Variants in PSMD1 observed in about 807,000 individuals in gnomAD.
The protein encoded by PSMD1 is 26S proteasome non-ATPase regulatory subunit 1.
Under a neutral mutation model 119.0 loss-of-function variants are expected in PSMD1, and 18 were observed. The observed-to-expected ratio is 0.15, with a 90% CI of 0.10 to 0.22. PSMD1 has a LOEUF of 0.22. Ranked by LOEUF, PSMD1 falls within the 10% of genes least tolerant of loss-of-function variation. PSMD1 has a pLI of 1.00. For missense variants in PSMD1, 702 were observed against 1,158.5 expected (o/e 0.61, Z 5.72); for synonymous variants, 374 against 396.6 (o/e 0.94, Z 0.68).
chr2:231,151,119 G>T (rs1186591995), intron 18 of PSMD1, among the ~76,000 whole-genome samples: 1 of 152,156 alleles, frequency 6.6e-6, no homozygotes, highest in African/African-American at 2.4e-5. Context: ...TGAGATTGTT[G>T]TGATATAAAA....
chr2:231,100,555 A>C (rs1385696706), intron 16 of PSMD1, among the ~76,000 whole-genome samples: 1 of 152,184 alleles, frequency 6.6e-6, no homozygotes, highest in African/African-American at 2.4e-5. Flanking sequence ...TGGAGCAGGT[A>C]ATTGGAATGA....
intron 17 of PSMD1, among the ~76,000 whole-genome samples, chr2:231,140,995 C>G (rs941785153): frequency 1.3e-5 from 2 of 151,826 alleles, no homozygotes; most frequent in Non-Finnish European, 2.9e-5. Flanking sequence ...TTGGTGAAAC[C>G]CCTTCTCTAC....
In PSMD1 at chr2:231,153,192, C is replaced by T. The variant is rs181275270; in HGVS notation, c.2116-372C>T. ...GAAGGACCATGCTTTTTAGGAAACCCGCAAGGTTGGTGGTAAACAGAATAG... is the reference window on the plus strand; with the variant it reads ...GAAGGACCATGCTTTTTAGGAAACCTGCAAGGTTGGTGGTAAACAGAATAG... On this transcript the variant is annotated intron_variant, in intron 18 of 24. Coordinates refer to ENST00000308696, the MANE Select transcript of PSMD1 (RefSeq NM_002807.4). 4.0e-3 allele frequency among the ~76,000 whole-genome samples: 604 copies of T among 152,294 alleles called. 3 individuals carry two copies. The highest frequency in any genetic ancestry group is 6.4e-3 in the Non-Finnish European group (436 of 68,022).
chr2:231,128,059 C>A (rs762486848), intron 16 of PSMD1, among the ~76,000 whole-genome samples: 1 of 152,162 alleles, frequency 6.6e-6, no homozygotes, highest in Non-Finnish European at 1.5e-5. Flanking sequence ...GTCTAATATT[C>A]TTTATAGGTC....
intron 19 of PSMD1, among the ~76,000 whole-genome samples, chr2:231,157,246 C>G (rs1342036463): frequency 6.6e-6 from 1 of 151,608 alleles, no homozygotes; most frequent in Non-Finnish European, 1.5e-5. Context: ...TAGCCCTGCT[C>G]TGCAAGGAGC....
In PSMD1 at chr2:231,084,980, G is replaced by A. The variant is rs1426056543; in HGVS notation, c.1723-39G>A. The A allele has an allele frequency of 4.6e-6, 7 of 1,529,044 alleles. No homozygotes were observed. The Admixed American group carries it at 5.0e-5, about 11-fold the overall frequency. 94.7% of individuals were successfully genotyped at this position (1,529,044 alleles called of 1,614,324 possible). On this transcript the variant is annotated intron_variant, in intron 14 of 24. Coordinates refer to ENST00000308696, the MANE Select transcript of PSMD1 (RefSeq NM_002807.4). ...ATTAGACTGTAGAAGTTAACTGTTTGAAATAAGTTGATGATTAATGTTAAA... is the reference window on the plus strand; with the variant it reads ...ATTAGACTGTAGAAGTTAACTGTTTAAAATAAGTTGATGATTAATGTTAAA...
At chr2:231,095,069 G>A (rs1559227734) in intron 16 of PSMD1, among the ~76,000 whole-genome samples, 1 of 152,162 alleles carries the variant, frequency 6.6e-6, no homozygotes, top group Admixed American at 6.5e-5. Context: ...TGTTTAGTAG[G>A]AAAAACAAAC....
chr2:231,084,835 CCTT>C (rs1360275175), intron 14 of PSMD1, among the ~76,000 whole-genome samples, 181 bp from the exon 15 acceptor site: 1 of 152,126 alleles, frequency 6.6e-6, no homozygotes, highest in Non-Finnish European at 1.5e-5. Flanking sequence ...GCAGCTACCT[CCTT>C]CTGTATTTAT....
At chr2:231,143,734 G>T (rs1004896477) in intron 17 of PSMD1, among the ~76,000 whole-genome samples, 2 of 152,164 alleles carry the variant, frequency 1.3e-5, no homozygotes, top group Non-Finnish European at 2.9e-5. Context: ...CATATATTTT[G>T]TATCTGCAAG....
At chr2:231,118,146 T>G (rs777388004) in intron 16 of PSMD1, among the ~76,000 whole-genome samples, 23 of 152,122 alleles carry the variant, frequency 1.5e-4, no homozygotes, top group Admixed American at 3.9e-4. Flanking sequence ...TTTTATAGGA[T>G]TTCTTTAATA....
At chr2:231,084,468 G>T (rs1250746699) in intron 14 of PSMD1, among the ~76,000 whole-genome samples, 1 of 151,692 alleles carries the variant, frequency 6.6e-6, no homozygotes, top group Non-Finnish European at 1.5e-5. Context: ...TGTTTATTTG[G>T]GTGAGGTTTT....
chr2:231,133,844 G>A (rs1695907945), intron 16 of PSMD1, among the ~76,000 whole-genome samples: 1 of 152,220 alleles, frequency 6.6e-6, no homozygotes, highest in African/African-American at 2.4e-5. Flanking sequence ...AAGCCAGTGT[G>A]TTGAAAGAAA....
chr2:231,076,102 T>G (rs942237719), intron 8 of PSMD1, among the ~76,000 whole-genome samples: 5 of 152,236 alleles, frequency 3.3e-5, no homozygotes, highest in African/African-American at 1.2e-4. Flanking sequence ...ATCAAATCCT[T>G]AGATCCTTAC....
At chr2:231,091,876 T>A (rs1694604824) in intron 16 of PSMD1, among the ~76,000 whole-genome samples, 1 of 152,218 alleles carries the variant, frequency 6.6e-6, no homozygotes, top group Non-Finnish European at 1.5e-5. Context: ...GATACACTTA[T>A]GCTCCCAGTC....
intron 21 of PSMD1, among the ~76,000 whole-genome samples, chr2:231,164,743 C>T (rs542180256): frequency 7.2e-5 from 11 of 152,016 alleles, no homozygotes; most frequent in Non-Finnish European, 1.3e-4. Context: ...TGTGTATTAG[C>T]ATTGTAAGAC....
At position 231,146,366 on chromosome 2, in the gene PSMD1, CAAAG is replaced by C. The variant is rs375089514; in HGVS notation, c.2115+14_2115+17del. 2.0e-5 allele frequency: 31 copies of C among 1,583,290 alleles called. No individual in the cohort carries two copies. The African/African-American group carries it at 2.3e-4, about 12-fold the overall frequency. On this transcript the variant is annotated intron_variant, in intron 18 of 24. Coordinates refer to ENST00000308696, the MANE Select transcript of PSMD1 (RefSeq NM_002807.4). Reference sequence around the variant, plus strand: ...AATCACTTGTCCAAAGGTGAGCAAACAAAGAAATTCCCTGGAAGAGAGATGGTTT... The same window carrying C: ...AATCACTTGTCCAAAGGTGAGCAAACAAATTCCCTGGAAGAGAGATGGTTT...
chr2:231,079,856 A>C (rs1489170761), intron 11 of PSMD1, among the ~76,000 whole-genome samples: 1 of 152,182 alleles, frequency 6.6e-6, no homozygotes. Context: ...GATAAATTGA[A>C]ATGTTATTTG....
intron 16 of PSMD1, among the ~76,000 whole-genome samples, chr2:231,097,432 T>C (rs149540645): frequency 5.6e-4 from 86 of 152,324 alleles, no homozygotes; most frequent in African/African-American, 2.0e-3. Flanking sequence ...ACAGTGTTGT[T>C]TGGGATAAAG....
chr2:231,096,123 T>C (rs978802255), intron 16 of PSMD1, among the ~76,000 whole-genome samples: 2 of 152,188 alleles, frequency 1.3e-5, no homozygotes, highest in African/African-American at 4.8e-5. Flanking sequence ...CTTTTTCTTA[T>C]CTCTTTATAA....
Sources: allele counts gnomAD v4.1 joint callset (sites outside exome capture counted in the v4.1 genomes callset), GRCh38; gene constraint gnomAD v4.1.1; transcripts MANE v1.5; gene names NCBI Gene and HGNC (gene_info 2026-07-23, HGNC 2026-07-21).